Variants in SEPTIN2 observed in about 807,000 individuals in gnomAD.
The protein encoded by SEPTIN2 is septin-2.
In SEPTIN2, 34 loss-of-function variants were observed where a neutral mutation model predicts 46.5. The observed-to-expected ratio is 0.73, with a 90% CI of 0.56 to 0.97. The LOEUF is 0.97. Ranked by LOEUF, SEPTIN2 falls within the 50% of genes least tolerant of loss-of-function variation. The pLI is 0.00. For synonymous variants in SEPTIN2, 175 were observed against 153.4 expected (o/e 1.14, Z -1.04); for missense variants, 347 against 448.4 (o/e 0.77, Z 2.04).
chr2:241,343,768 C>G lies in SEPTIN2; in HGVS notation c.713C>G (p.Ser238Cys). Reference sequence around the variant, plus strand: ...TCTTTCTAGGCTAGCATCCCATTCTCTGTGGTTGGATCCAATCAGTTGATT... The same window carrying G: ...TCTTTCTAGGCTAGCATCCCATTCTGTGTGGTTGGATCCAATCAGTTGATT... ...TRLLKASIPF[S>C]VVGSNQLIEA... Residue 238 changes from serine (S) to cysteine (C), a missense_variant, in exon 9 of 13, where the codon TCT becomes TGT. Ser to Cys is a moderately radical substitution (Grantham distance 112). Coordinates refer to ENST00000391971, the MANE Select transcript of SEPTIN2 (RefSeq NM_004404.5). 3 of 1,614,148 alleles carry G rather than the reference C, an allele frequency of 1.9e-6. No homozygotes were observed. The Admixed American group carries it at 5.0e-5, about 27-fold the overall frequency.
intron 3 of SEPTIN2, among the ~76,000 whole-genome samples, chr2:241,328,045 C>G (rs751163919): frequency 2.3e-4 from 35 of 152,152 alleles, no homozygotes; most frequent in Middle Eastern, 3.4e-3. Flanking sequence ...AGAGTGAGAC[C>G]TTGTCTCAAG....
chr2:241,334,339 G>A (rs1411293293), intron 3 of SEPTIN2, among the ~76,000 whole-genome samples: 1 of 152,218 alleles, frequency 6.6e-6, no homozygotes, highest in Non-Finnish European at 1.5e-5. Flanking sequence ...CAATGAAGCA[G>A]TGGGATTTGT....
At chr2:241,344,180 G>A (rs1297513943) in intron 9 of SEPTIN2, among the ~76,000 whole-genome samples, 1 of 152,066 alleles carries the variant, frequency 6.6e-6, no homozygotes, top group Non-Finnish European at 1.5e-5. Context: ...ATGTTAAAAG[G>A]AGAAAAGGAG....
chr2:241,335,070 G>A (rs377214208), intron 3 of SEPTIN2, 56 bp from the exon 4 acceptor site: 35 of 1,242,838 alleles, frequency 2.8e-5, no homozygotes, highest in Non-Finnish European at 3.9e-5. Flanking sequence ...ACACTTAACC[G>A]ATTGAATGGT....
chr2:241,335,138 T>G lies in SEPTIN2; in HGVS notation c.143T>G (p.Leu48Arg). ...FTLMVVGESG[L>R]GKSTLINSLF... The stretch of plus-strand genomic sequence containing the variant: ...TTTTTATTTAAAGGTGAATCAGGTC[T>G]AGGAAAATCGACTCTCATAAACAGC... Residue 48 changes from leucine (L) to arginine (R), a missense_variant, in exon 4 of 13, where the codon CTA becomes CGA. Leu to Arg is a moderately radical substitution (Grantham distance 102). Transcript: ENST00000391971. 1 of 1,612,824 alleles carries G rather than the reference T, an allele frequency of 6.2e-7. No individual in the cohort carries two copies.
At chr2:241,317,728 G>T in intron 1 of SEPTIN2, 1 of 178,456 alleles carries the variant, frequency 5.6e-6, no homozygotes, top group Non-Finnish European at 1.1e-5. Context: ...GAATCCAGAT[G>T]CTTTGAATAA....
chr2:241,347,369 A>C (rs1027206438), intron 10 of SEPTIN2, among the ~76,000 whole-genome samples: 3 of 152,162 alleles, frequency 2.0e-5, no homozygotes, highest in Non-Finnish European at 4.4e-5. Flanking sequence ...TGAGACATTA[A>C]GAAAGATTTT....
rs1264391714 is a variant in SEPTIN2 at position 241,348,196 on chromosome 2, G to A, written c.984+5G>A. The A allele has an allele frequency of 1.2e-6, 2 of 1,611,316 alleles. No homozygotes were observed. Among genetic ancestry groups the A allele is most frequent in the African/African-American group, 1.3e-5 (1 of 74,778 alleles). On this transcript the variant is annotated splice_donor_5th_base_variant and intron_variant, in intron 11 of 12. Coordinates refer to ENST00000391971, the MANE Select transcript of SEPTIN2 (RefSeq NM_004404.5). ...TTGCTGGAAAAAGAAGCTGAGGTAA[G>A]TAGGAAAGTACTATTGGTTGGTTGG...
Position 241,335,209 on chromosome 2 carries a change from G to C in SEPTIN2, c.214G>C (p.Ala72Pro). Reference sequence around the variant, plus strand: ...CCCAGAAAGAGTCATACCTGGAGCAGCAGGTAAAAACATTCTTATGTTACT... The same window carrying C: ...CCCAGAAAGAGTCATACCTGGAGCACCAGGTAAAAACATTCTTATGTTACT... The part of the protein sequence containing the change: ...LYPERVIPGA[A>P]EKIERTVQIE... The change falls in exon 4 of 13, where the codon GCA becomes CCA. Residue 72 changes from alanine (A) to proline (P), a missense_variant. By Grantham distance (27) the Ala-to-Pro change is conservative (BLOSUM62 -1). Transcript: ENST00000391971. 9 of 1,611,736 alleles carry C rather than the reference G, an allele frequency of 5.6e-6. No homozygotes were observed. The highest frequency in any genetic ancestry group is 7.6e-6 in the Non-Finnish European group (9 of 1,178,160).
chr2:241,333,052 C>T (rs2079274064), intron 3 of SEPTIN2, among the ~76,000 whole-genome samples: 1 of 152,150 alleles, frequency 6.6e-6, no homozygotes, highest in South Asian at 2.1e-4. Context: ...ATCTGAGTAT[C>T]TACTTTTGTC....
chr2:241,334,291 A>T (rs535243455), intron 3 of SEPTIN2, among the ~76,000 whole-genome samples: 1 of 152,350 alleles, frequency 6.6e-6, no homozygotes, highest in South Asian at 2.1e-4. Context: ...GATCAGAAGC[A>T]GTTCTCCATG....
chr2:241,323,770 G>C (rs1221106844), intron 1 of SEPTIN2, among the ~76,000 whole-genome samples: 2 of 152,154 alleles, frequency 1.3e-5, no homozygotes, highest in Non-Finnish European at 2.9e-5. Context: ...TGTTTATATA[G>C]GCAAAATGGA....
intron 7 of SEPTIN2, among the ~76,000 whole-genome samples, chr2:241,341,902 A>G (rs1417206920): frequency 6.6e-6 from 1 of 152,202 alleles, no homozygotes; most frequent in Non-Finnish European, 1.5e-5. Context: ...CCCACCATGC[A>G]ATGAGCATTT....
chr2:241,339,004 AT>A (rs2080860175), intron 7 of SEPTIN2, among the ~76,000 whole-genome samples: 1 of 115,176 alleles, frequency 8.7e-6, no homozygotes. Context: ...ATATATATAA[AT>A]ATTATATTTA....
At chr2:241,334,008 A>C (rs1042054226) in intron 3 of SEPTIN2, among the ~76,000 whole-genome samples, 2 of 151,466 alleles carry the variant, frequency 1.3e-5, no homozygotes, top group Admixed American at 1.3e-4. Flanking sequence ...AAGCCACAAC[A>C]CCTGGCTAAG....
chr2:241,328,446 G>C (rs2078377351), intron 3 of SEPTIN2, among the ~76,000 whole-genome samples: 1 of 151,546 alleles, frequency 6.6e-6, no homozygotes, highest in Non-Finnish European at 1.5e-5. Flanking sequence ...ATAAAATTAA[G>C]TAGAAATTGG....
intron 1 of SEPTIN2, chr2:241,316,740 C>T (rs552498721): frequency 4.5e-6 from 2 of 444,974 alleles, no homozygotes; most frequent in African/African-American, 4.1e-5. Flanking sequence ...TGCCACCAGA[C>T]CTTGTCCTCT....
intron 1 of SEPTIN2, chr2:241,320,239 A>C (rs1198689647): frequency 2.1e-6 from 1 of 471,172 alleles, no homozygotes. Flanking sequence ...GTCTTGTCCA[A>C]GGTTAGATGG....
chr2:241,352,878 T>C lies in SEPTIN2; in HGVS notation c.*941T>C, dbSNP rs1270160324. ...TATTCAGAATCAAACCTTTTTATATTTTATACTGCACTTTAGTGTATTTTC... is the reference window on the plus strand; with the variant it reads ...TATTCAGAATCAAACCTTTTTATATCTTATACTGCACTTTAGTGTATTTTC... On this transcript the variant is annotated 3_prime_UTR_variant, in exon 13 of 13. Transcript: ENST00000391971. 1 of 152,232 alleles carries C rather than the reference T, an allele frequency of 6.6e-6. No homozygotes were observed. The highest frequency in any genetic ancestry group is 1.5e-5 in the Non-Finnish European group (1 of 68,050). 9.4% of individuals were successfully genotyped at this position (152,232 alleles called of 1,614,324 possible).
Sources: gnomAD v4.1 joint callset for allele counts (sites outside exome capture counted in the v4.1 genomes callset) on GRCh38, gnomAD v4.1.1 for gene constraint, MANE v1.5 for transcripts, NCBI Gene and HGNC (gene_info 2026-07-23, HGNC 2026-07-21) for gene names.